The following SNX18 variants were observed in gnomAD, a reference collection of about 807,000 sequenced individuals.
SNX18 encodes sorting nexin 18, also known as sorting nexin-18.
In SNX18, 35 loss-of-function variants were observed where a neutral mutation model predicts 48.7. That is an observed-to-expected ratio of 0.72 (90% CI 0.55 to 0.95). SNX18 has a LOEUF of 0.95. SNX18 is among the 40% of genes least tolerant of loss of function. The probability of loss-of-function intolerance (pLI) is 0.00; values close to 1 mark genes in which losing one functional copy is unlikely to be tolerated. For missense variants in SNX18, 824 were observed against 871.0 expected (o/e 0.95, Z 0.68); for synonymous variants, 492 against 384.7 (o/e 1.28, Z -3.26).
chr5:54,563,283 C>T, the SNX18 span, among the ~76,000 whole-genome samples: 1 of 152,216 alleles, frequency 6.6e-6, no homozygotes, highest in African/African-American at 2.4e-5. Context: ...TCACTATTCA[C>T]TCACTGACTC....
chr5:54,623,520 T>C, the SNX18 span, among the ~76,000 whole-genome samples: 15 of 151,822 alleles, frequency 9.9e-5, no homozygotes, highest in African/African-American at 3.6e-4. Context: ...AGATCCAGCA[T>C]AGAGAGGTAG....
In SNX18 at chr5:54,517,845, T is replaced by C; in HGVS notation, c.-108T>C. 3.3e-6 allele frequency: 4 copies of C among 1,229,308 alleles called. No homozygotes were observed. The highest frequency in any genetic ancestry group is 4.2e-6 in the Non-Finnish European group (4 of 959,022). 76.2% of individuals were successfully genotyped at this position (1,229,308 alleles called of 1,614,324 possible). A position where few individuals can be genotyped will look rare whatever the true frequency, so the allele number is the denominator to read the frequency against. On this transcript the variant is annotated 5_prime_UTR_variant, in exon 1 of 2. Coordinates refer to ENST00000381410, the MANE Select transcript of SNX18 (RefSeq NM_001102575.2). ...TCCGGGCAGCGTGGGTTTGCCGCCT[T>C]CGGGGCTCCAGTCCGCGCGCCAGGG...
At chr5:54,578,755 C>T in the SNX18 span, among the ~76,000 whole-genome samples, 3,009 of 152,206 alleles carry the variant, frequency 0.02, 80 homozygotes, top group African/African-American at 0.06. Context: ...GAGATGACCC[C>T]GGATCCTTAG....
intron 1 of SNX18, among the ~76,000 whole-genome samples, chr5:54,526,575 A>G (rs2112842908): frequency 6.6e-6 from 1 of 152,280 alleles, no homozygotes; most frequent in East Asian, 1.9e-4. Flanking sequence ...GGAAGGGGAG[A>G]TAAAATCATT....
chr5:54,552,152 C>T, the SNX18 span, among the ~76,000 whole-genome samples: 1 of 152,208 alleles, frequency 6.6e-6, no homozygotes, highest in African/African-American at 2.4e-5. Context: ...GCCTCCGCGA[C>T]GTGACCCATT....
the SNX18 span, among the ~76,000 whole-genome samples, chr5:54,563,010 A>G: frequency 3.9e-5 from 6 of 152,246 alleles, no homozygotes; most frequent in African/African-American, 9.6e-5. Flanking sequence ...AATTTTAAAC[A>G]TAGAAAAAAG....
chr5:54,549,528 T>C (rs2564994), downstream of SNX18, among the ~76,000 whole-genome samples: 149,366 of 152,262 alleles, frequency 0.98, 73,265 homozygotes, highest in East Asian at 1. Flanking sequence ...TGGGGAGAGG[T>C]TCAGCTCTCC....
chr5:54,550,822 T>C (rs528095963), downstream of SNX18, among the ~76,000 whole-genome samples: 1 of 152,124 alleles, frequency 6.6e-6, no homozygotes, highest in Non-Finnish European at 1.5e-5. Context: ...TGACCTCAGG[T>C]GATCCACCTG....
At chr5:54,582,403 GAT>G in the SNX18 span, among the ~76,000 whole-genome samples, 2 of 152,264 alleles carry the variant, frequency 1.3e-5, no homozygotes, top group East Asian at 3.9e-4. Context: ...TGCAATGTTA[GAT>G]ACTTTCAGTT....
the SNX18 span, among the ~76,000 whole-genome samples, chr5:54,555,878 T>C: frequency 6.6e-6 from 1 of 151,912 alleles, no homozygotes; most frequent in Non-Finnish European, 1.5e-5. Context: ...GGTAAAAGTA[T>C]TAAAAAGTAT....
chr5:54,572,775 T>TATATATATATATA, the SNX18 span, among the ~76,000 whole-genome samples: 20 of 8,674 alleles, frequency 2.3e-3, no homozygotes, highest in Non-Finnish European at 3.0e-3. Flanking sequence ...TATATATATA[T>TATATATATATATA]TTTTTTTTTT....
the SNX18 span, among the ~76,000 whole-genome samples, chr5:54,564,544 G>T: frequency 6.6e-6 from 1 of 152,176 alleles, no homozygotes; most frequent in Admixed American, 6.5e-5. Flanking sequence ...TCCAAAATAG[G>T]TCTCACTGGG....
At chr5:54,637,123 T>C in the SNX18 span, among the ~76,000 whole-genome samples, 1 of 152,188 alleles carries the variant, frequency 6.6e-6, no homozygotes, top group African/African-American at 2.4e-5. Context: ...GGTAAATGAA[T>C]TTTATTTGTT....
At chr5:54,553,261 A>G in the SNX18 span, among the ~76,000 whole-genome samples, 1 of 152,224 alleles carries the variant, frequency 6.6e-6, no homozygotes, top group Non-Finnish European at 1.5e-5. Flanking sequence ...GGGCAAAGGC[A>G]GAAGCAGAGA....
intron 1 of SNX18, among the ~76,000 whole-genome samples, chr5:54,522,705 G>A (rs1309658595): frequency 6.6e-6 from 1 of 152,080 alleles, no homozygotes; most frequent in Non-Finnish European, 1.5e-5. Context: ...CATTGGTTAC[G>A]GGATGGATGT....
At chr5:54,523,752 A>G (rs1762076504) in intron 1 of SNX18, among the ~76,000 whole-genome samples, 1 of 152,180 alleles carries the variant, frequency 6.6e-6, no homozygotes, top group South Asian at 2.1e-4. Context: ...GCTGGGTAGA[A>G]TTTCACCATT....
At chr5:54,644,662 G>C in the SNX18 span, 5 of 152,184 alleles carry the variant, frequency 3.3e-5, no homozygotes, top group Non-Finnish European at 7.3e-5. Context: ...CTTTAGAAGG[G>C]GCTGACCCAG....
chr5:54,521,193 C>T (rs2112836843), intron 1 of SNX18, among the ~76,000 whole-genome samples: 1 of 152,310 alleles, frequency 6.6e-6, no homozygotes, highest in Middle Eastern at 3.4e-3. Context: ...TACTGGTGAA[C>T]AGTTGAAAGG....
the SNX18 span, chr5:54,644,414 T>C: frequency 1.3e-5 from 2 of 152,218 alleles, no homozygotes; most frequent in South Asian, 2.1e-4. Flanking sequence ...ATCCAGAGGT[T>C]ACTAACCACG....
Sources: allele counts gnomAD v4.1 joint callset (sites outside exome capture counted in the v4.1 genomes callset), GRCh38; gene constraint gnomAD v4.1.1; transcripts MANE v1.5; gene names NCBI Gene and HGNC (gene_info 2026-07-23, HGNC 2026-07-21).